Variants in DENND1B observed in about 807,000 individuals in gnomAD.
The protein encoded by DENND1B is DENN domain containing 1B.
DENND1B carries 59 observed loss-of-function variants against 90.1 expected under a neutral mutation model. That is an observed-to-expected ratio of 0.65 (90% CI 0.53 to 0.81). The LOEUF (loss-of-function observed/expected upper bound fraction) is 0.81. Among genes scored for constraint, DENND1B ranks in the 40% least tolerant of loss-of-function variants. DENND1B has a pLI of 0.00. For missense variants in DENND1B, 862 were observed against 912.6 expected (o/e 0.94, Z 0.71); for synonymous variants, 337 against 324.6 (o/e 1.04, Z -0.41).
chr1:197,650,976 T>G (rs1206541140), intron 7 of DENND1B, among the ~76,000 whole-genome samples: 1 of 152,100 alleles, frequency 6.6e-6, no homozygotes, highest in African/African-American at 2.4e-5. Flanking sequence ...AAGAACTTAC[T>G]CATGTAACCA....
chr1:197,725,275 A>G, intron 2 of DENND1B, among the ~76,000 whole-genome samples: 1 of 152,166 alleles, frequency 6.6e-6, no homozygotes, highest in East Asian at 1.9e-4. Flanking sequence ...AGACTTCTCA[A>G]TAGCAGCAAT....
intron 10 of DENND1B, among the ~76,000 whole-genome samples, chr1:197,640,361 T>C (rs763585375): frequency 2.6e-5 from 4 of 151,596 alleles, no homozygotes; most frequent in Non-Finnish European, 4.4e-5. Context: ...TACTCCTAGC[T>C]ACTTGGGAGG....
At chr1:197,659,558 A>C (rs1572225323) in intron 5 of DENND1B, among the ~76,000 whole-genome samples, 1 of 151,996 alleles carries the variant, frequency 6.6e-6, no homozygotes, top group East Asian at 1.9e-4. Flanking sequence ...TGTCCTCTGG[A>C]AATAACTCCA....
intron 20 of DENND1B, among the ~76,000 whole-genome samples, chr1:197,538,956 A>T (rs925393159): frequency 6.6e-6 from 1 of 152,108 alleles, no homozygotes; most frequent in Admixed American, 6.5e-5. Context: ...GAAGGGCCTC[A>T]TAAGGTGCCA....
chr1:197,604,890 T>C (rs1184661067), intron 13 of DENND1B, among the ~76,000 whole-genome samples: 2 of 151,138 alleles, frequency 1.3e-5, no homozygotes, highest in South Asian at 2.1e-4. Flanking sequence ...GAGATAACTT[T>C]AGAAAACTGA....
At chr1:197,585,156 CTAG>C (rs1315913320) in intron 14 of DENND1B, among the ~76,000 whole-genome samples, 1 of 152,166 alleles carries the variant, frequency 6.6e-6, no homozygotes, top group Non-Finnish European at 1.5e-5. Context: ...TTTCTAATCT[CTAG>C]TACTAGCATC....
At chr1:197,598,293 C>T (rs1289656752) in intron 13 of DENND1B, among the ~76,000 whole-genome samples, 2 of 151,686 alleles carry the variant, frequency 1.3e-5, no homozygotes, top group East Asian at 3.9e-4. Flanking sequence ...AGAAGGGCAG[C>T]TAAGTGTTTC....
chr1:197,714,623 A>G (rs1271625417), intron 3 of DENND1B, among the ~76,000 whole-genome samples: 1 of 152,172 alleles, frequency 6.6e-6, no homozygotes, highest in African/African-American at 2.4e-5. Context: ...TGTGACAAGG[A>G]GAGAACTGAT....
chr1:197,671,008 GA>G (rs1244204737), intron 5 of DENND1B, among the ~76,000 whole-genome samples: 6 of 152,022 alleles, frequency 3.9e-5, no homozygotes, highest in African/African-American at 1.2e-4. Flanking sequence ...AATAAAGATA[GA>G]AAAAAACTCT....
At chr1:197,651,058 T>C (rs561693154) in intron 7 of DENND1B, among the ~76,000 whole-genome samples, 8 of 152,188 alleles carry the variant, frequency 5.3e-5, no homozygotes, top group Non-Finnish European at 7.4e-5. Flanking sequence ...AAGAAAGTTA[T>C]TACCAAAGAA....
At chr1:197,580,087 CTTTTTTTTTTTT>C (rs139056668) in intron 15 of DENND1B, among the ~76,000 whole-genome samples, 1 of 76,744 alleles carries the variant, frequency 1.3e-5, no homozygotes, top group Admixed American at 1.9e-4. Context: ...TTCTTTCTTT[CTTTTTTTTTTTT>C]TTTTTTTTTT....
rs555566588 is a variant in DENND1B at position 197,658,678 on chromosome 1, TA to T, written c.297-310del. Among the ~76,000 whole-genome samples, 298 of 151,038 alleles carry T rather than the reference TA, an allele frequency of 2.0e-3. 2 individuals are homozygous for T. The highest frequency in any genetic ancestry group is 7.0e-3 in the African/African-American group (286 of 40,998). The stretch of plus-strand genomic sequence containing the variant: ...TGCATAAGATAAAAATTAACCACTG[TA>T]AAAAAATCATATAAAAACTAGTTTT... On this transcript the variant is annotated intron_variant, in intron 5 of 22. Coordinates refer to ENST00000620048, the MANE Select transcript of DENND1B (RefSeq NM_001195215.2).
intron 2 of DENND1B, among the ~76,000 whole-genome samples, chr1:197,747,890 G>A (rs1413953469): frequency 1.3e-5 from 2 of 152,194 alleles, no homozygotes; most frequent in African/African-American, 4.8e-5. Context: ...CATGTCACTT[G>A]TGCCATAGAT....
chr1:197,690,626 G>A, intron 3 of DENND1B: 1 of 236,724 alleles, frequency 4.2e-6, no homozygotes, highest in South Asian at 7.2e-5. Flanking sequence ...AAGTTCAGGA[G>A]GCTAAATGAA....
intron 21 of DENND1B, 124 bp from the exon 22 acceptor site, chr1:197,512,068 C>T (rs1162459565): frequency 1.2e-5 from 8 of 693,298 alleles, no homozygotes; most frequent in Non-Finnish European, 6.9e-6. Flanking sequence ...TAGTTCATCA[C>T]CAAATTCTTT....
At chr1:197,676,075 G>A (rs1266149977) in intron 3 of DENND1B, among the ~76,000 whole-genome samples, 12 of 18,410 alleles carry the variant, frequency 6.5e-4, no homozygotes, top group Non-Finnish European at 9.7e-4. Flanking sequence ...TGTATAAACA[G>A]TATAGACAAA....
chr1:197,598,885 A>G (rs1449847903), intron 13 of DENND1B, among the ~76,000 whole-genome samples: 1 of 151,866 alleles, frequency 6.6e-6, no homozygotes, highest in East Asian at 1.9e-4. Context: ...GATAGATCAC[A>G]AACGAAAAGT....
intron 15 of DENND1B, among the ~76,000 whole-genome samples, chr1:197,578,907 G>A (rs1489839813): frequency 6.6e-6 from 1 of 151,868 alleles, no homozygotes; most frequent in Non-Finnish European, 1.5e-5. Context: ...TAGAACTACA[G>A]GTGTGCACCA....
intron 2 of DENND1B, among the ~76,000 whole-genome samples, chr1:197,772,134 G>C (rs888160957): frequency 6.6e-6 from 1 of 152,156 alleles, no homozygotes; most frequent in African/African-American, 2.4e-5. Flanking sequence ...CTGCGTTCTG[G>C]AAACATCAGA....
Sources: allele counts gnomAD v4.1 joint callset (sites outside exome capture counted in the v4.1 genomes callset), GRCh38; gene constraint gnomAD v4.1.1; transcripts MANE v1.5; gene names NCBI Gene and HGNC (gene_info 2026-07-23, HGNC 2026-07-21).